Variants in ARHGAP26 observed in about 807,000 individuals in gnomAD.
The protein encoded by ARHGAP26 is rho GTPase-activating protein 26.
Under a neutral mutation model 104.8 loss-of-function variants are expected in ARHGAP26, and 38 were observed. That is an observed-to-expected ratio of 0.36 (90% CI 0.28 to 0.48). ARHGAP26 has a LOEUF of 0.48. Among genes scored for constraint, ARHGAP26 ranks in the 20% least tolerant of loss-of-function variants. The pLI is 0.99. For missense variants in ARHGAP26, 704 were observed against 947.9 expected (o/e 0.74, Z 3.38); for synonymous variants, 341 against 340.0 (o/e 1.00, Z -0.03).
intron 12 of ARHGAP26, among the ~76,000 whole-genome samples, chr5:143,018,661 C>T (rs1343526228): frequency 6.6e-6 from 1 of 152,148 alleles, no homozygotes. Flanking sequence ...TATTTTAGTT[C>T]TGTCTCTGAG....
chr5:143,016,463 G>C (rs970675411), intron 12 of ARHGAP26, among the ~76,000 whole-genome samples: 10 of 152,158 alleles, frequency 6.6e-5, no homozygotes, highest in African/African-American at 2.4e-4. Context: ...CCAGCACTTT[G>C]GGAGGCCGAG....
chr5:143,139,109 C>T (rs961816958), intron 19 of ARHGAP26, among the ~76,000 whole-genome samples: 2 of 152,018 alleles, frequency 1.3e-5, no homozygotes, highest in South Asian at 2.1e-4. Context: ...GGGCATCTGC[C>T]GGTAAAATGC....
At chr5:142,845,843 A>G (rs1771834348) in intron 1 of ARHGAP26, among the ~76,000 whole-genome samples, 2 of 151,760 alleles carry the variant, frequency 1.3e-5, no homozygotes, top group South Asian at 4.2e-4. Context: ...ACCTGCCTCT[A>G]CTTCCTCCCC....
chr5:143,036,543 T>A (rs12523539), intron 12 of ARHGAP26, among the ~76,000 whole-genome samples: 73,550 of 152,150 alleles, frequency 0.48, 22,720 homozygotes, highest in Non-Finnish European at 0.69. Context: ...TTTCTTCTTT[T>A]ATTCTTTGTT....
At chr5:142,881,424 C>T (rs542758282) in intron 4 of ARHGAP26, among the ~76,000 whole-genome samples, 72 of 152,192 alleles carry the variant, frequency 4.7e-4, no homozygotes, top group Non-Finnish European at 8.4e-4. Context: ...CCCGGGGCGG[C>T]GGCTGGGGGG....
intron 17 of ARHGAP26, among the ~76,000 whole-genome samples, chr5:143,102,361 C>G (rs1220992868): frequency 6.6e-6 from 1 of 152,220 alleles, no homozygotes; most frequent in Non-Finnish European, 1.5e-5. Context: ...CCATTTCTTT[C>G]AGAGGTTTCC....
At chr5:143,178,420 T>G (rs895878389) in intron 20 of ARHGAP26, among the ~76,000 whole-genome samples, 1 of 152,196 alleles carries the variant, frequency 6.6e-6, no homozygotes, top group African/African-American at 2.4e-5. Context: ...TGTATGAGGG[T>G]GACAACTTTG....
At chr5:142,839,350 T>A (rs915106376) in intron 1 of ARHGAP26, among the ~76,000 whole-genome samples, 1 of 151,964 alleles carries the variant, frequency 6.6e-6, no homozygotes, top group Non-Finnish European at 1.5e-5. Flanking sequence ...TTAATTGTTA[T>A]AACAATCCTT....
intron 8 of ARHGAP26, among the ~76,000 whole-genome samples, chr5:142,906,251 A>G (rs1169750547): frequency 6.6e-6 from 1 of 152,202 alleles, no homozygotes; most frequent in Non-Finnish European, 1.5e-5. Flanking sequence ...TCCACTATAC[A>G]GTCACTATTT....
intron 11 of ARHGAP26, among the ~76,000 whole-genome samples, chr5:142,952,614 C>G (rs1768572440): frequency 6.6e-6 from 1 of 152,118 alleles, no homozygotes; most frequent in South Asian, 2.1e-4. Context: ...ATTTTTTCAG[C>G]TATTCAAAGG....
At chr5:143,077,916 C>T (rs1330824344) in intron 17 of ARHGAP26, among the ~76,000 whole-genome samples, 1 of 152,154 alleles carries the variant, frequency 6.6e-6, no homozygotes, top group Non-Finnish European at 1.5e-5. Flanking sequence ...CCTCCCCCAA[C>T]CCTGGTTTCC....
chr5:142,778,424 T>C (rs1189592191), intron 1 of ARHGAP26, among the ~76,000 whole-genome samples: 1 of 152,208 alleles, frequency 6.6e-6, no homozygotes, highest in African/African-American at 2.4e-5. Flanking sequence ...GGTATGCATT[T>C]TTTCTTGTCC....
intron 1 of ARHGAP26, among the ~76,000 whole-genome samples, chr5:142,811,469 G>C (rs148650832): frequency 1.3e-5 from 2 of 152,152 alleles, no homozygotes; most frequent in African/African-American, 2.4e-5. Flanking sequence ...TCCAATCCTG[G>C]CCTGTCCGTC....
chr5:143,112,265 C>T (rs951449288), intron 17 of ARHGAP26, among the ~76,000 whole-genome samples: 3 of 152,002 alleles, frequency 2.0e-5, no homozygotes, highest in African/African-American at 7.3e-5. Context: ...GAGGACAGAG[C>T]CAAGTCAAGA....
chr5:142,913,717 G>A (rs553055978), intron 10 of ARHGAP26, among the ~76,000 whole-genome samples: 1 of 152,236 alleles, frequency 6.6e-6, no homozygotes, highest in Admixed American at 6.5e-5. Context: ...GCATTGAAAT[G>A]GAAGAAATTT....
chr5:143,032,341 G>T (rs1781995581), intron 12 of ARHGAP26, among the ~76,000 whole-genome samples: 1 of 152,178 alleles, frequency 6.6e-6, no homozygotes, highest in Non-Finnish European at 1.5e-5. Flanking sequence ...GTTGGCCCTG[G>T]GAGACACAGG....
At chr5:142,945,507 C>T (rs1409700476) in intron 11 of ARHGAP26, among the ~76,000 whole-genome samples, 1 of 152,154 alleles carries the variant, frequency 6.6e-6, no homozygotes, top group Admixed American at 6.5e-5. Context: ...AGGTTTCTAT[C>T]GCCAGCTGGT....
At chr5:143,032,600 C>CTAAA (rs1289781834) in intron 12 of ARHGAP26, among the ~76,000 whole-genome samples, 27 of 152,152 alleles carry the variant, frequency 1.8e-4, no homozygotes, top group Non-Finnish European at 3.7e-4. Context: ...TGATAGTGTT[C>CTAAA]TAAACCTTTT....
At chr5:142,926,077 G>A (rs993435773) in intron 10 of ARHGAP26, among the ~76,000 whole-genome samples, 1 of 152,168 alleles carries the variant, frequency 6.6e-6, no homozygotes, top group African/African-American at 2.4e-5. Flanking sequence ...AATTGGGGCT[G>A]GTTGTGATTC....
Sources: gnomAD v4.1 joint callset for allele counts (sites outside exome capture counted in the v4.1 genomes callset) on GRCh38, gnomAD v4.1.1 for gene constraint, MANE v1.5 for transcripts, NCBI Gene and HGNC (gene_info 2026-07-23, HGNC 2026-07-21) for gene names.